Variants in VPS41 observed in about 807,000 individuals in gnomAD.
VPS41 encodes the protein vacuolar protein sorting-associated protein 41 homolog.
A neutral mutation model predicts 130.9 loss-of-function variants in VPS41; 85 were observed. That is an observed-to-expected ratio of 0.65 (90% CI 0.55 to 0.78). VPS41 has a LOEUF of 0.78. Among genes scored for constraint, VPS41 ranks in the 30% least tolerant of loss-of-function variants. The pLI is 0.00. For missense variants in VPS41, 874 were observed against 1,018.7 expected (o/e 0.86, Z 1.93); for synonymous variants, 335 against 332.9 (o/e 1.01, Z -0.07).
intron 2 of VPS41, among the ~76,000 whole-genome samples, chr7:38,876,554 C>T (rs949667417): frequency 3.3e-5 from 5 of 152,166 alleles, no homozygotes; most frequent in Non-Finnish European, 5.9e-5. Context: ...CTGTTGTGAG[C>T]TATTGCCAAT....
At chr7:38,882,206 C>G (rs1786623776) in intron 2 of VPS41, among the ~76,000 whole-genome samples, 1 of 152,162 alleles carries the variant, frequency 6.6e-6, no homozygotes, top group African/African-American at 2.4e-5. Context: ...GAGTGAATCC[C>G]TAGACCTCAT....
At chr7:38,801,874 T>C (rs1784733598) in intron 7 of VPS41, among the ~76,000 whole-genome samples, 1 of 152,244 alleles carries the variant, frequency 6.6e-6, no homozygotes, top group Admixed American at 6.5e-5. Context: ...GCTACACGAT[T>C]TCCCAAAACG....
rs568939696 is a variant in VPS41 at position 38,778,041 on chromosome 7, C to A, written c.785-1265G>T. 2.6e-5 allele frequency among the ~76,000 whole-genome samples: 4 copies of A among 152,158 alleles called. 1 individual carries two copies. The highest frequency in any genetic ancestry group is 4.4e-5 in the Non-Finnish European group (3 of 68,032). On this transcript the variant is annotated intron_variant, in intron 10 of 28. Coordinates refer to ENST00000310301, the MANE Select transcript of VPS41 (RefSeq NM_014396.4). ...GCAGCTGTTATCACAATTTAATTTT[C>A]GCACCAAAATAAAATTGTGGATGAC...
intron 22 of VPS41, among the ~76,000 whole-genome samples, chr7:38,751,061 G>A (rs1024800209): frequency 1.3e-5 from 2 of 152,128 alleles, no homozygotes; most frequent in African/African-American, 4.8e-5. Context: ...AAATGTCTTA[G>A]GGCCCCAAAT....
At chr7:38,880,453 C>T (rs1786580580) in intron 2 of VPS41, among the ~76,000 whole-genome samples, 1 of 152,180 alleles carries the variant, frequency 6.6e-6, no homozygotes, top group Admixed American at 6.5e-5. Context: ...CCAAGAACCT[C>T]TCCTGGATGC....
chr7:38,764,596 G>A (rs1219023713), intron 16 of VPS41, among the ~76,000 whole-genome samples: 1 of 151,974 alleles, frequency 6.6e-6, no homozygotes. Context: ...CACAGGGGAA[G>A]AGAAGAGCCC....
chr7:38,844,487 T>A (rs992270960), intron 4 of VPS41, among the ~76,000 whole-genome samples: 1 of 152,174 alleles, frequency 6.6e-6, no homozygotes, highest in Non-Finnish European at 1.5e-5. Flanking sequence ...TATTAGAATA[T>A]AAACGTCCTT....
At chr7:38,884,505 G>A (rs902792533) in intron 2 of VPS41, among the ~76,000 whole-genome samples, 2 of 152,118 alleles carry the variant, frequency 1.3e-5, no homozygotes, top group African/African-American at 4.8e-5. Context: ...AAAGACAAAG[G>A]TAACACAATT....
At chr7:38,762,965 AAT>A (rs1312333893) in intron 17 of VPS41, among the ~76,000 whole-genome samples, 3 of 152,308 alleles carry the variant, frequency 2.0e-5, no homozygotes, top group African/African-American at 7.2e-5. Flanking sequence ...TTCATGAAAA[AAT>A]AAGAGTTCAA....
intron 4 of VPS41, among the ~76,000 whole-genome samples, chr7:38,853,749 A>G (rs995304936): frequency 2.0e-5 from 3 of 152,232 alleles, no homozygotes; most frequent in African/African-American, 7.2e-5. Flanking sequence ...AGTTAAAATT[A>G]CTTCAACCCT....
chr7:38,741,357 G>A, intron 25 of VPS41: 1 of 352,222 alleles, frequency 2.8e-6, no homozygotes, highest in Non-Finnish European at 5.6e-6. Context: ...AATTGCTAGA[G>A]TCTTTTTAAG....
intron 14 of VPS41, among the ~76,000 whole-genome samples, chr7:38,768,209 T>G (rs1220660500): frequency 1.3e-5 from 2 of 152,196 alleles, no homozygotes; most frequent in Non-Finnish European, 2.9e-5. Context: ...TGAAAGGATT[T>G]GGGGTGGCCA....
In VPS41 at chr7:38,795,576, T is replaced by A; in HGVS notation, c.606A>T (p.Arg202Ser). ...VKIFDIISKQ[R>S]ITNVPRDDIS... ...TATCATCCCGGGGCACATTGGTGAT[T>A]CTTTGCTTTGAGATGATGTCAAAAA... The change falls in exon 9 of 29, where the codon AGA (arginine) becomes AGT (serine). Residue 202 changes from arginine to serine, a missense_variant. By Grantham distance (110) the Arg-to-Ser change is moderately radical. Transcript: ENST00000310301. 6.2e-7 allele frequency: 1 copy of A among 1,612,614 alleles called. No homozygotes were observed. The highest frequency in any genetic ancestry group is 8.5e-7 in the Non-Finnish European group (1 of 1,179,146).
intron 1 of VPS41, among the ~76,000 whole-genome samples, chr7:38,901,961 A>G (rs1327632925): frequency 6.6e-6 from 1 of 152,228 alleles, no homozygotes; most frequent in Non-Finnish European, 1.5e-5. Context: ...GATCAAAGCA[A>G]AAGTGATAGG....
chr7:38,835,859 G>A (rs1183249277), intron 4 of VPS41, among the ~76,000 whole-genome samples: 4 of 151,218 alleles, frequency 2.6e-5, no homozygotes, highest in African/African-American at 9.7e-5. Flanking sequence ...ATATCAAAGG[G>A]TACAATGATT....
intron 22 of VPS41, among the ~76,000 whole-genome samples, chr7:38,747,881 AG>A (rs531396542): frequency 5.3e-5 from 8 of 152,332 alleles, no homozygotes; most frequent in Non-Finnish European, 7.4e-5. Flanking sequence ...ACTTTCAAAA[AG>A]GAAGTCATGT....
At chr7:38,743,842 G>C (rs1795934201) in intron 23 of VPS41, among the ~76,000 whole-genome samples, 2 of 152,126 alleles carry the variant, frequency 1.3e-5, no homozygotes, top group African/African-American at 4.8e-5. Context: ...AGAGGAAATA[G>C]AAATGTTAGT....
At chr7:38,862,982 T>C (rs1786152786) in intron 3 of VPS41, among the ~76,000 whole-genome samples, 1 of 152,144 alleles carries the variant, frequency 6.6e-6, no homozygotes, top group South Asian at 2.1e-4. Context: ...AAAGAATGAT[T>C]CAGAAACTCC....
intron 12 of VPS41, 111 bp downstream of exon 12, chr7:38,774,004 T>G: frequency 9.0e-7 from 1 of 1,109,274 alleles, no homozygotes; most frequent in Non-Finnish European, 1.3e-6. Flanking sequence ...TACGCAGGTA[T>G]TCTCTTAAGA....
Sources: gnomAD v4.1 joint callset for allele counts (sites outside exome capture counted in the v4.1 genomes callset) on GRCh38, gnomAD v4.1.1 for gene constraint, MANE v1.5 for transcripts, NCBI Gene and HGNC (gene_info 2026-07-23, HGNC 2026-07-21) for gene names.